Variants in EXOC4 observed in about 807,000 individuals in gnomAD.
EXOC4 encodes exocyst complex component 4.
Under a neutral mutation model 107.2 loss-of-function variants are expected in EXOC4, and 71 were observed. That is an observed-to-expected ratio of 0.66 (90% CI 0.55 to 0.81). The LOEUF (loss-of-function observed/expected upper bound fraction) is 0.81. Ranked by LOEUF, EXOC4 falls within the 30% of genes least tolerant of loss-of-function variation. The probability of loss-of-function intolerance (pLI) is 0.00; values close to 1 mark genes in which losing one functional copy is unlikely to be tolerated. For synonymous variants in EXOC4, 456 were observed against 441.2 expected, an observed-to-expected ratio of 1.03 and a Z score of -0.42; for missense variants, 1,108 against 1,189.6, an observed-to-expected ratio of 0.93 and a Z score of 1.01.
intron 10 of EXOC4, among the ~76,000 whole-genome samples, chr7:133,704,735 G>A (rs1235094503): frequency 6.6e-6 from 1 of 152,140 alleles, no homozygotes; most frequent in Non-Finnish European, 1.5e-5. Context: ...TCCTGGGAGG[G>A]TAATTTGTTC....
intron 12 of EXOC4, among the ~76,000 whole-genome samples, chr7:133,912,423 A>G (rs1585243240): frequency 2.0e-5 from 3 of 152,304 alleles, no homozygotes; most frequent in East Asian, 3.9e-4. Flanking sequence ...AGAGGGACAC[A>G]CCTGTATTCA....
At chr7:133,668,231 G>T (rs1396504018) in intron 10 of EXOC4, among the ~76,000 whole-genome samples, 1 of 152,120 alleles carries the variant, frequency 6.6e-6, no homozygotes, top group African/African-American at 2.4e-5. Context: ...TTTATAGAAG[G>T]TCTTATTTTT....
In EXOC4 at chr7:133,343,467, G is replaced by T. The variant is rs180849013; in HGVS notation, c.764-12863G>T. On this transcript the variant is annotated intron_variant, in intron 5 of 17. Coordinates refer to ENST00000253861, the MANE Select transcript of EXOC4 (RefSeq NM_021807.4). ...AATTTTTGTATTTTTTGTAGAAATG[G>T]GGTCTCCCTATGTTGCCTAAGCTGA... is the stretch of plus-strand genomic sequence containing the variant. Among the ~76,000 whole-genome samples the T allele has an allele frequency of 8.9e-4, 136 of 152,136 alleles. 1 individual carries two copies. The highest frequency in any genetic ancestry group is 1.4e-3 in the Non-Finnish European group (98 of 67,984).
chr7:133,641,561 G>A (rs1410869258), intron 10 of EXOC4, among the ~76,000 whole-genome samples: 1 of 152,050 alleles, frequency 6.6e-6, no homozygotes, highest in Non-Finnish European at 1.5e-5. Context: ...CTTTGTTTTT[G>A]AAGTTTTAGT....
At chr7:134,067,845 T>C (rs1349139508), downstream of EXOC4, among the ~76,000 whole-genome samples, 1 of 152,160 alleles carries the variant, frequency 6.6e-6, no homozygotes, top group Non-Finnish European at 1.5e-5. Flanking sequence ...GCTCTATTAA[T>C]ACAGGTTCTT....
intron 7 of EXOC4, among the ~76,000 whole-genome samples, chr7:133,390,662 C>A (rs1413012864): frequency 6.6e-6 from 1 of 152,176 alleles, no homozygotes; most frequent in Non-Finnish European, 1.5e-5. Context: ...ACCAACAGTT[C>A]CCTTGTGTCC....
intron 11 of EXOC4, among the ~76,000 whole-genome samples, chr7:133,868,169 G>A (rs1438735145): frequency 6.6e-6 from 1 of 151,978 alleles, no homozygotes; most frequent in Non-Finnish European, 1.5e-5. Flanking sequence ...TTACCTCTTG[G>A]CTTGAGCTAG....
chr7:133,317,527 G>A, intron 5 of EXOC4, 137 bp downstream of exon 5: 1 of 623,926 alleles, frequency 1.6e-6, no homozygotes, highest in Non-Finnish European at 2.9e-6. Context: ...TGGAACCTGT[G>A]ATGAGCCCTT....
chr7:133,488,397 G>T (rs1346096400), intron 9 of EXOC4, among the ~76,000 whole-genome samples: 1 of 152,116 alleles, frequency 6.6e-6, no homozygotes, highest in Admixed American at 6.6e-5. Flanking sequence ...CAAAGTGGGG[G>T]TGAGGATTCA....
intron 11 of EXOC4, among the ~76,000 whole-genome samples, chr7:133,890,520 A>G (rs370111242): frequency 7.0e-6 from 1 of 142,270 alleles, no homozygotes; most frequent in South Asian, 2.4e-4. Context: ...CTGAATGGTA[A>G]TTTCTAGGTT....
intron 14 of EXOC4, among the ~76,000 whole-genome samples, chr7:133,942,289 G>T (rs1419138421): frequency 1.3e-5 from 2 of 150,440 alleles, no homozygotes; most frequent in African/African-American, 4.9e-5. Context: ...TTTAAGTGAA[G>T]CCCCTGTGCT....
At chr7:133,731,032 A>G (rs891703954) in intron 10 of EXOC4, among the ~76,000 whole-genome samples, 2 of 152,206 alleles carry the variant, frequency 1.3e-5, no homozygotes, top group Non-Finnish European at 2.9e-5. Context: ...ATTTTACTTA[A>G]AACTATAGAT....
At chr7:133,611,849 T>C (rs538529300) in intron 9 of EXOC4, among the ~76,000 whole-genome samples, 1 of 152,328 alleles carries the variant, frequency 6.6e-6, no homozygotes, top group South Asian at 2.1e-4. Flanking sequence ...TGCCATTCTC[T>C]TCTAATCTTT....
At chr7:133,787,152 C>T (rs1319182) in intron 10 of EXOC4, among the ~76,000 whole-genome samples, 4 of 136,558 alleles carry the variant, frequency 2.9e-5, no homozygotes, top group Admixed American at 8.2e-5. Context: ...CTTGTTTTTT[C>T]TTTTCTTTTT....
rs1796158864 is a variant in EXOC4, at chr7:134,065,386, T to C, written c.*858T>C. ...AAATGATTCTTAGGTGCTCACTTGG[T>C]CTGAGCTCAGCTGAATGCAGGGAAG... On this transcript the variant is annotated 3_prime_UTR_variant, in exon 18 of 18. Transcript: ENST00000253861. The C allele has an allele frequency of 6.6e-6, 1 of 152,116 alleles. No homozygotes were observed. The highest frequency in any genetic ancestry group is 2.4e-5 in the African/African-American group (1 of 41,394). 9.4% of individuals were successfully genotyped at this position (152,116 alleles called of 1,614,324 possible). A position where few individuals can be genotyped will look rare whatever the true frequency, so the allele number is the denominator to read the frequency against.
intron 17 of EXOC4, among the ~76,000 whole-genome samples, chr7:134,047,090 T>G (rs1795673413): frequency 6.6e-6 from 1 of 152,198 alleles, no homozygotes; most frequent in Admixed American, 6.5e-5. Flanking sequence ...AAATATCTTT[T>G]CTTAAAGAAA....
At chr7:133,289,247 G>T in intron 3 of EXOC4, 131 bp downstream of exon 3, 1 of 684,772 alleles carries the variant, frequency 1.5e-6, no homozygotes, top group Non-Finnish European at 2.4e-6. Context: ...GCCCTTGAAG[G>T]TGAAGCCTGG....
chr7:133,581,144 C>T (rs1295693209), intron 9 of EXOC4, among the ~76,000 whole-genome samples: 3 of 152,068 alleles, frequency 2.0e-5, no homozygotes, highest in African/African-American at 7.2e-5. Context: ...ATGTTTGGAC[C>T]CCCCAACTGT....
At chr7:133,932,611 A>G (rs1366360426) in intron 13 of EXOC4, among the ~76,000 whole-genome samples, 1 of 152,246 alleles carries the variant, frequency 6.6e-6, no homozygotes, top group East Asian at 1.9e-4. Context: ...AAAGTAGGCC[A>G]CAGACATAAT....
Sources: gnomAD v4.1 joint callset for allele counts (sites outside exome capture counted in the v4.1 genomes callset) on GRCh38, gnomAD v4.1.1 for gene constraint, MANE v1.5 for transcripts, NCBI Gene and HGNC (gene_info 2026-07-23, HGNC 2026-07-21) for gene names.